The following PPFIA2 variants were observed in gnomAD, a reference collection of about 807,000 sequenced individuals.
PPFIA2 encodes liprin-alpha-2.
PPFIA2 carries 46 observed loss-of-function variants against 175.5 expected under a neutral mutation model. The observed-to-expected ratio is 0.26, with a 90% CI of 0.21 to 0.34. PPFIA2 has a LOEUF of 0.34. PPFIA2 is among the 10% of genes least tolerant of loss of function. The pLI is 1.00. For missense variants in PPFIA2, 1,179 were observed against 1,506.1 expected, an observed-to-expected ratio of 0.78 and a Z score of 3.60; for synonymous variants, 568 against 511.4, an observed-to-expected ratio of 1.11 and a Z score of -1.49.
intron 4 of PPFIA2, among the ~76,000 whole-genome samples, chr12:81,589,746 T>G (rs1162596235): frequency 1.3e-5 from 2 of 152,134 alleles, no homozygotes; most frequent in African/African-American, 4.8e-5. Flanking sequence ...AATGCTGATT[T>G]GGGTACCTTT....
chr12:81,472,119 G>C (rs942812391), intron 4 of PPFIA2, among the ~76,000 whole-genome samples: 2 of 152,114 alleles, frequency 1.3e-5, no homozygotes, highest in Non-Finnish European at 2.9e-5. Context: ...ATTGTTGTAT[G>C]ATCCTCTTAA....
chr12:81,414,370 TA>T (rs1170326526), intron 7 of PPFIA2, among the ~76,000 whole-genome samples: 2 of 151,544 alleles, frequency 1.3e-5, no homozygotes, highest in South Asian at 2.1e-4. Context: ...TTCCCCAAAA[TA>T]AAAAAAGTCA....
intron 4 of PPFIA2, among the ~76,000 whole-genome samples, chr12:81,533,092 C>G (rs2064829888): frequency 6.6e-6 from 1 of 151,422 alleles, no homozygotes; most frequent in Non-Finnish European, 1.5e-5. Flanking sequence ...TTTTAGAGCT[C>G]AGTTTCATAT....
chr12:81,435,582 AAG>A (rs999346742), intron 7 of PPFIA2, among the ~76,000 whole-genome samples: 18 of 150,462 alleles, frequency 1.2e-4, no homozygotes, highest in Admixed American at 2.0e-4. Context: ...GAGAGAGAGA[AAG>A]AGAGAGAGAG....
intron 21 of PPFIA2, among the ~76,000 whole-genome samples, chr12:81,334,873 GT>G (rs1453533890): frequency 6.6e-6 from 1 of 152,094 alleles, no homozygotes; most frequent in Non-Finnish European, 1.5e-5. Flanking sequence ...TTTCATGTCT[GT>G]TTTAGGCAGA....
chr12:81,709,484 ATGGT>A (rs1229014004), intron 3 of PPFIA2, among the ~76,000 whole-genome samples: 1 of 152,086 alleles, frequency 6.6e-6, no homozygotes, highest in Non-Finnish European at 1.5e-5. Context: ...CCATTAACAA[ATGGT>A]TGGTACACAC....
intron 4 of PPFIA2, among the ~76,000 whole-genome samples, chr12:81,628,530 C>T (rs1455574540): frequency 6.6e-6 from 1 of 152,042 alleles, no homozygotes; most frequent in African/African-American, 2.4e-5. Context: ...GCATGCACCA[C>T]CATGTCTGGC....
intron 4 of PPFIA2, among the ~76,000 whole-genome samples, chr12:81,530,382 A>C (rs1357302069): frequency 6.6e-6 from 1 of 152,044 alleles, no homozygotes; most frequent in Non-Finnish European, 1.5e-5. Flanking sequence ...GAATTCTGTC[A>C]GAAGGTGAAT....
intron 7 of PPFIA2, among the ~76,000 whole-genome samples, chr12:81,422,122 A>ATG (rs1367107987): frequency 2.9e-5 from 4 of 137,138 alleles, no homozygotes; most frequent in Admixed American, 7.3e-5. Context: ...GTGTATATAT[A>ATG]TGTGTGTATA....
chr12:81,657,852 C>T (rs1219137306), intron 4 of PPFIA2, among the ~76,000 whole-genome samples: 1 of 152,054 alleles, frequency 6.6e-6, no homozygotes, highest in African/African-American at 2.4e-5. Context: ...CCTCTCAAAA[C>T]AAGTCTTCCA....
intron 4 of PPFIA2, among the ~76,000 whole-genome samples, chr12:81,465,492 C>T (rs1566942608): frequency 6.6e-6 from 1 of 152,150 alleles, no homozygotes; most frequent in Non-Finnish European, 1.5e-5. Context: ...AAATTAACTG[C>T]TTCAAAATGC....
intron 14 of PPFIA2, 95 bp from the exon 15 acceptor site, chr12:81,362,879 TGAG>T: frequency 1.4e-6 from 1 of 719,606 alleles, no homozygotes; most frequent in Non-Finnish European, 2.2e-6. Flanking sequence ...AAGGAAAAAC[TGAG>T]GATATATTTT....
intron 3 of PPFIA2, among the ~76,000 whole-genome samples, chr12:81,715,605 C>A (rs1227015370): frequency 6.6e-6 from 1 of 151,692 alleles, no homozygotes; most frequent in Non-Finnish European, 1.5e-5. Flanking sequence ...AATACATTTG[C>A]TCTCAGTTTC....
chr12:81,662,858 T>C (rs1190980369), intron 4 of PPFIA2, among the ~76,000 whole-genome samples: 4 of 152,172 alleles, frequency 2.6e-5, no homozygotes, highest in Non-Finnish European at 4.4e-5. Flanking sequence ...TCCACCATGA[T>C]CAAGTGGGCT....
At chr12:81,632,586 T>C (rs1048368082) in intron 4 of PPFIA2, among the ~76,000 whole-genome samples, 30 of 152,204 alleles carry the variant, frequency 2.0e-4, no homozygotes, top group Non-Finnish European at 3.4e-4. Context: ...TGAAATTCTT[T>C]GCTCCTTCAT....
chr12:81,418,712 A>G (rs1229047501), intron 7 of PPFIA2, among the ~76,000 whole-genome samples: 2 of 151,954 alleles, frequency 1.3e-5, no homozygotes, highest in Non-Finnish European at 2.9e-5. Context: ...TAAGGAAAAA[A>G]AAACTGTTCA....
chr12:81,612,840 C>T (rs2061065062), intron 4 of PPFIA2, among the ~76,000 whole-genome samples: 1 of 152,106 alleles, frequency 6.6e-6, no homozygotes, highest in Non-Finnish European at 1.5e-5. Flanking sequence ...AATACACGTG[C>T]ACAAACATAC....
chr12:81,445,163 G>T (rs1448414918), intron 6 of PPFIA2, among the ~76,000 whole-genome samples: 1 of 124,666 alleles, frequency 8.0e-6, no homozygotes, highest in Non-Finnish European at 1.6e-5. Context: ...ATAATTTTCA[G>T]TTAGTGGTCT....
chr12:81,676,876 G>A, intron 3 of PPFIA2, 32 bp from the exon 4 acceptor site: 1 of 1,501,410 alleles, frequency 6.7e-7, no homozygotes, highest in Non-Finnish European at 9.0e-7. Context: ...ATTGTAAAGT[G>A]CTACTCAACA....
Sources: allele counts gnomAD v4.1 joint callset (sites outside exome capture counted in the v4.1 genomes callset), GRCh38; gene constraint gnomAD v4.1.1; transcripts MANE v1.5; gene names NCBI Gene and HGNC (gene_info 2026-07-23, HGNC 2026-07-21).